Variants in SH3D19 observed in about 807,000 individuals in gnomAD.
The protein encoded by SH3D19 is SH3 domain-containing protein 19.
A neutral mutation model predicts 112.1 loss-of-function variants in SH3D19; 58 were observed. The observed-to-expected ratio is 0.52, with a 90% CI of 0.42 to 0.64. The LOEUF is 0.64. SH3D19 is among the 30% of genes least tolerant of loss of function. The pLI is 0.00. For synonymous variants in SH3D19, 391 were observed against 448.5 expected (o/e 0.87, Z 1.62); for missense variants, 1,090 against 1,263.4 (o/e 0.86, Z 2.08).
chr4:151,288,134 G>T (rs1169765961), intron 1 of SH3D19, among the ~76,000 whole-genome samples: 2 of 151,236 alleles, frequency 1.3e-5, no homozygotes, highest in South Asian at 4.2e-4. Context: ...TTTTCAACTC[G>T]ATCAAGTGCA....
intron 19 of SH3D19, among the ~76,000 whole-genome samples, chr4:151,123,694 C>A (rs1265792312): frequency 6.6e-6 from 1 of 152,184 alleles, no homozygotes; most frequent in African/African-American, 2.4e-5. Flanking sequence ...TATTCATGTG[C>A]AAATTAGAAT....
chr4:151,226,373 G>A, intron 1 of SH3D19: 1 of 1,073,292 alleles, frequency 9.3e-7, no homozygotes. Context: ...TAAATACTTT[G>A]CTAACACTAG....
At chr4:151,135,986 AAAAAC>A (rs529509279) in intron 14 of SH3D19, among the ~76,000 whole-genome samples, 11,923 of 148,782 alleles carry the variant, frequency 0.08, 809 homozygotes, top group African/African-American at 0.2. Flanking sequence ...AGACTGTCTC[AAAAAC>A]AAAACAAAAC....
chr4:151,122,574 T>C (rs1748207800), intron 19 of SH3D19, among the ~76,000 whole-genome samples: 2 of 151,742 alleles, frequency 1.3e-5, no homozygotes, highest in Admixed American at 1.3e-4. Context: ...TGTCAGACAC[T>C]GTTCTGAGCA....
chr4:151,284,985 G>A (rs1448025159), intron 1 of SH3D19, among the ~76,000 whole-genome samples: 1 of 152,130 alleles, frequency 6.6e-6, no homozygotes, highest in African/African-American at 2.4e-5. Context: ...CAACTGCTAA[G>A]GTAGCTCTGA....
chr4:151,320,792 C>T (rs1730457147), intron 1 of SH3D19, among the ~76,000 whole-genome samples: 1 of 152,150 alleles, frequency 6.6e-6, no homozygotes, highest in Non-Finnish European at 1.5e-5. Context: ...GTAATTCCAG[C>T]ACTTTGGGAG....
intron 1 of SH3D19, among the ~76,000 whole-genome samples, chr4:151,309,448 GA>G (rs1269457586): frequency 2.0e-5 from 3 of 152,204 alleles, no homozygotes; most frequent in African/African-American, 7.2e-5. Flanking sequence ...CATGGAACAG[GA>G]AAAAATATTT....
At chr4:151,192,216 C>T (rs866335674) in intron 2 of SH3D19, among the ~76,000 whole-genome samples, 73 of 152,284 alleles carry the variant, frequency 4.8e-4, no homozygotes, top group Middle Eastern at 3.4e-3. Flanking sequence ...GGATTACAGG[C>T]GTGAGCCACC....
chr4:151,252,418 T>G (rs1771488172), intron 1 of SH3D19, among the ~76,000 whole-genome samples: 2 of 128,746 alleles, frequency 1.6e-5, no homozygotes, highest in South Asian at 5.3e-4. Flanking sequence ...CTTTCCTCCT[T>G]GATACACTTT....
chr4:151,179,529 T>TA, intron 3 of SH3D19, 132 bp from the exon 4 acceptor site: 1 of 409,126 alleles, frequency 2.4e-6, no homozygotes, highest in Non-Finnish European at 4.2e-6. Context: ...TTAATATCCT[T>TA]AAAAAAAAGT....
At chr4:151,162,946 A>G (rs1457958730) in intron 8 of SH3D19, among the ~76,000 whole-genome samples, 1 of 152,220 alleles carries the variant, frequency 6.6e-6, no homozygotes, top group Non-Finnish European at 1.5e-5. Context: ...CAAAACTGAT[A>G]AAACAGAATA....
Position 151,120,561 on chromosome 4 carries a change from G to A in SH3D19, c.*1530C>T, listed in dbSNP as rs1224704903. On this transcript the variant is annotated 3_prime_UTR_variant, in exon 20 of 20. Coordinates refer to ENST00000604030, the MANE Select transcript of SH3D19 (RefSeq NM_001378122.1). ...TGATTTCTCATGAAATTACTTTTGAGTGAAATTTGACAAGAATTTTCTTTA... is the reference window on the plus strand; with the variant it reads ...TGATTTCTCATGAAATTACTTTTGAATGAAATTTGACAAGAATTTTCTTTA... The A allele has an allele frequency of 2.0e-5, 3 of 152,138 alleles. No individual in the cohort carries two copies. The highest frequency in any genetic ancestry group is 2.9e-5 in the Non-Finnish European group (2 of 68,036). The allele number at this position is 152,138 out of a possible 1,614,324, so 9.4% of individuals were successfully genotyped here. A position where few individuals can be genotyped will look rare whatever the true frequency, so the allele number is the denominator to read the frequency against.
chr4:151,248,368 CT>C (rs1771103921), intron 1 of SH3D19, among the ~76,000 whole-genome samples: 1 of 152,104 alleles, frequency 6.6e-6, no homozygotes, highest in African/African-American at 2.4e-5. Context: ...GAATTTAGTG[CT>C]TAGAATTAAG....
At chr4:151,283,325 G>C in intron 1 of SH3D19, 1 of 1,596,508 alleles carries the variant, frequency 6.3e-7, no homozygotes, top group East Asian at 2.2e-5. Flanking sequence ...TTAAACATGA[G>C]ATCTTAATTT....
chr4:151,191,939 C>T (rs1475595500), intron 2 of SH3D19, among the ~76,000 whole-genome samples: 1 of 123,130 alleles, frequency 8.1e-6, no homozygotes, highest in East Asian at 2.4e-4. Context: ...GCCACCACAC[C>T]CAGCCCTTTT....
intron 2 of SH3D19, among the ~76,000 whole-genome samples, chr4:151,205,208 G>C (rs2149894110): frequency 6.6e-6 from 1 of 152,290 alleles, no homozygotes; most frequent in South Asian, 2.1e-4. Context: ...GTACAAACAG[G>C]AAGTACAGCT....
At chr4:151,301,715 G>C (rs1439512472) in intron 1 of SH3D19, among the ~76,000 whole-genome samples, 1 of 152,074 alleles carries the variant, frequency 6.6e-6, no homozygotes, top group East Asian at 1.9e-4. Flanking sequence ...CTTTTTAAAA[G>C]AAATTACCCA....
At chr4:151,171,826 C>A (rs966751465) in intron 7 of SH3D19, among the ~76,000 whole-genome samples, 2 of 152,164 alleles carry the variant, frequency 1.3e-5, no homozygotes, top group African/African-American at 4.8e-5. Flanking sequence ...CTTTTGACAA[C>A]TGGGTATGAT....
chr4:151,259,074 G>C (rs1332329838), intron 1 of SH3D19, among the ~76,000 whole-genome samples: 1 of 152,028 alleles, frequency 6.6e-6, no homozygotes, highest in Non-Finnish European at 1.5e-5. Flanking sequence ...TCTCCCACTA[G>C]GAGGTCTAGG....
Sources: allele counts gnomAD v4.1 joint callset (sites outside exome capture counted in the v4.1 genomes callset), GRCh38; gene constraint gnomAD v4.1.1; transcripts MANE v1.5; gene names NCBI Gene and HGNC (gene_info 2026-07-23, HGNC 2026-07-21).